STAG2: variants seen among roughly 807,000 people sequenced by gnomAD.
STAG2 encodes STAG2 cohesin complex component.
A neutral mutation model predicts 108.1 loss-of-function variants in STAG2; 14 were observed. That is an observed-to-expected ratio of 0.13 (90% CI 0.09 to 0.20). STAG2 has a LOEUF of 0.20. Ranked by LOEUF, STAG2 falls within the 10% of genes least tolerant of loss-of-function variation. The probability of loss-of-function intolerance (pLI) is 1.00; values close to 1 mark genes in which losing one functional copy is unlikely to be tolerated. For synonymous variants in STAG2, 307 were observed against 302.7 expected (o/e 1.01, Z -0.15); for missense variants, 440 against 940.9 (o/e 0.47, Z 6.96).
In STAG2 at chrX:124,088,321, G is replaced by A. The variant is rs1033750738; in HGVS notation, c.3277+1551G>A. ...ACAAATAGATTATTAAACCAGATAC[G>A]TCAATTTTTACAGGAAGAATCAATG... On this transcript the variant is annotated intron_variant, in intron 30 of 34. Transcript: ENST00000371145. Among the ~76,000 whole-genome samples the A allele has an allele frequency of 4.5e-5, 5 of 110,212 alleles. No homozygotes were observed. The South Asian group carries it at 1.5e-3, about 34-fold the overall frequency.
intron 1 of STAG2, among the ~76,000 whole-genome samples, chrX:123,977,857 T>TTTC (rs2054695665): frequency 1.0e-5 from 1 of 96,037 alleles, no homozygotes; most frequent in Non-Finnish European, 2.1e-5. Context: ...TTTTTTTTTT[T>TTTC]TTGAGATAGG....
In STAG2 at chrX:124,022,540, T is replaced by C; in HGVS notation, c.-88T>C. 8 of 731,134 alleles carry C rather than the reference T, an allele frequency of 1.1e-5. No homozygotes were observed. The highest frequency in any genetic ancestry group is 1.6e-5 in the Non-Finnish European group (8 of 491,187). 60.3% of individuals were successfully genotyped at this position (731,134 alleles called of 1,213,427 possible). ...TTTCTCCTTTTTAAAGGAATTGTCT[T>C]AGAAGAAAGAAGGCAAGCCACCATT... On this transcript the variant is annotated 5_prime_UTR_variant, in exon 3 of 35. Coordinates refer to ENST00000371145, the MANE Select transcript of STAG2 (RefSeq NM_001042750.2).
intron 29 of STAG2, among the ~76,000 whole-genome samples, chrX:124,084,084 A>G (rs778759084): frequency 8.9e-6 from 1 of 112,000 alleles, no homozygotes; most frequent in East Asian, 2.8e-4. Context: ...AGCCCCCAAA[A>G]TGGATTTAAA....
At chrX:124,084,598 G>A (rs182829715) in intron 29 of STAG2, among the ~76,000 whole-genome samples, 99 of 111,636 alleles carry the variant, frequency 8.9e-4, no homozygotes, top group Non-Finnish European at 1.5e-3. Flanking sequence ...GATTACAGAC[G>A]TGAACCACTG....
intron 1 of STAG2, among the ~76,000 whole-genome samples, chrX:123,987,550 T>C (rs2055255620): frequency 8.9e-6 from 1 of 112,291 alleles, no homozygotes; most frequent in South Asian, 3.6e-4. Context: ...GCCCGGCCTT[T>C]AAATTTTTTT....
chrX:123,987,080 C>T (rs766325404), intron 1 of STAG2, among the ~76,000 whole-genome samples: 2 of 110,221 alleles, frequency 1.8e-5, no homozygotes, highest in Non-Finnish European at 3.8e-5. Flanking sequence ...GCAACCTCCA[C>T]CCCCTGGGTT....
At position 124,071,166 on chromosome X, in the gene STAG2, T is replaced by C; in HGVS notation, c.2376T>C (p.Cys792=). 4 of 1,184,494 alleles carry C rather than the reference T, an allele frequency of 3.4e-6. No homozygotes were observed. Among genetic ancestry groups the C allele is most frequent in the Non-Finnish European group, 4.5e-6 (4 of 885,387 alleles). The change falls in exon 25 of 35, where the codon TGT becomes TGC. Residue 792 remains cysteine (C), a synonymous_variant. Coordinates refer to ENST00000371145, the MANE Select transcript of STAG2 (RefSeq NM_001042750.2). The part of the protein sequence containing the change: ...TVKEQAFTIL[C]DILMIFSHQI... ...TTAAATAGGCCTTCACTATTCTGTG[T>C]GATATTTTGATGATCTTCAGCCATC...
chrX:124,002,844 C>T (rs1382890990), intron 1 of STAG2, among the ~76,000 whole-genome samples: 3 of 100,040 alleles, frequency 3.0e-5, no homozygotes, highest in African/African-American at 1.1e-4. Flanking sequence ...TTAGTAGAGA[C>T]GGGGTTTCAC....
chrX:123,998,341 T>G (rs946007315), intron 1 of STAG2, among the ~76,000 whole-genome samples: 4 of 106,199 alleles, frequency 3.8e-5, no homozygotes, highest in African/African-American at 1.4e-4. Flanking sequence ...TAATTTTTTT[T>G]TTTTTTTTAA....
intron 1 of STAG2, among the ~76,000 whole-genome samples, chrX:124,000,901 A>G (rs2147836779): frequency 9.0e-6 from 1 of 111,282 alleles, no homozygotes; most frequent in South Asian, 3.8e-4. Context: ...TTAACGAAAA[A>G]GTTTGAAAAC....
chrX:124,016,118 C>T (rs2056716493), intron 1 of STAG2, among the ~76,000 whole-genome samples: 1 of 110,815 alleles, frequency 9.0e-6, no homozygotes, highest in Admixed American at 9.7e-5. Flanking sequence ...TTTGTAATTC[C>T]TTAGGTAGCT....
chrX:124,090,160 C>CAAAAA (rs758142487), intron 30 of STAG2, among the ~76,000 whole-genome samples: 1,117 of 28,338 alleles, frequency 0.039, 105 homozygotes, highest in South Asian at 0.051. Flanking sequence ...GACTCTGTCT[C>CAAAAA]AAAAAAAAAA....
At chrX:123,967,685 T>C (rs1449383074) in intron 1 of STAG2, among the ~76,000 whole-genome samples, 1 of 111,262 alleles carries the variant, frequency 9.0e-6, no homozygotes, top group African/African-American at 3.3e-5. Flanking sequence ...CACACCTAGA[T>C]GGAATAGCCT....
intron 27 of STAG2, among the ~76,000 whole-genome samples, chrX:124,080,570 C>T (rs903283821): frequency 9.1e-6 from 1 of 110,160 alleles, no homozygotes; most frequent in Non-Finnish European, 1.9e-5. Flanking sequence ...CACCTTTAAT[C>T]GCAGCTACTC....
chrX:124,094,128 C>A lies in STAG2; in HGVS notation c.3689C>A (p.Thr1230Asn). Residue 1230 changes from threonine (T) to asparagine (N), a missense_variant, in exon 33 of 35, where the codon ACC (threonine) becomes AAC (asparagine). By Grantham distance (65) the Thr-to-Asn change is moderately conservative. Around this residue, in one of 3 missense-constraint regions of STAG2, gnomAD observed 337 missense variants for 649.3 expected, o/e 0.52. Transcript: ENST00000371145. ...CTTAATGAGGGAATGGATTTTGACA[C>A]CATGGATATAGATTTGGTAAGAAAC... Reference protein sequence around the residue: ...EDLNEGMDFDTMDIDLPPSKN... With the variant: ...EDLNEGMDFDNMDIDLPPSKN... The A allele has an allele frequency of 8.3e-7, 1 of 1,203,550 alleles. No homozygotes were observed. The highest frequency in any genetic ancestry group is 1.1e-6 in the Non-Finnish European group (1 of 890,241).
chrX:124,059,917 C>T (rs1342475227), intron 15 of STAG2, among the ~76,000 whole-genome samples: 3 of 111,723 alleles, frequency 2.7e-5, no homozygotes, highest in African/African-American at 9.8e-5. Context: ...CCTCCTTGGC[C>T]TCCCAAAGTG....
At chrX:123,972,647 C>G (rs6649132) in intron 1 of STAG2, among the ~76,000 whole-genome samples, 25,076 of 108,515 alleles carry the variant, frequency 0.23, 2,233 homozygotes, top group South Asian at 0.38. Context: ...CTGCATTTCT[C>G]ACCAGATGAA....
intron 1 of STAG2, among the ~76,000 whole-genome samples, chrX:123,981,161 G>A (rs2054857175): frequency 9.1e-6 from 1 of 109,923 alleles, no homozygotes; most frequent in Non-Finnish European, 1.9e-5. Context: ...TATAAAATTT[G>A]CCATTGTAAC....
intron 29 of STAG2, among the ~76,000 whole-genome samples, chrX:124,084,597 C>A (rs1229118536): frequency 9.0e-6 from 1 of 111,529 alleles, no homozygotes; most frequent in Non-Finnish European, 1.9e-5. Context: ...GGATTACAGA[C>A]GTGAACCACT....
Sources: allele counts gnomAD v4.1 joint callset (sites outside exome capture counted in the v4.1 genomes callset), GRCh38; gene constraint gnomAD v4.1.1; regional missense constraint gnomAD v4.1.1; transcripts MANE v1.5; gene names NCBI Gene and HGNC (gene_info 2026-07-23, HGNC 2026-07-21).